Variants in SGCZ observed in about 807,000 individuals in gnomAD.
SGCZ encodes sarcoglycan zeta.
SGCZ carries 40 observed loss-of-function variants against 41.3 expected under a neutral mutation model. The observed-to-expected ratio is 0.97, with a 90% CI of 0.75 to 1.26. The LOEUF (loss-of-function observed/expected upper bound fraction) is 1.26, where lower values mean the gene tolerates loss of function less well. SGCZ is among the 50% of genes most tolerant of loss of function. SGCZ has a pLI of 0.00. For missense variants in SGCZ, 552 were observed against 369.8 expected, an observed-to-expected ratio of 1.49 and a Z score of -4.04; for synonymous variants, 206 against 137.5, an observed-to-expected ratio of 1.50 and a Z score of -3.49.
intron 1 of SGCZ, among the ~76,000 whole-genome samples, chr8:14,888,702 T>C (rs1024333662): frequency 6.6e-6 from 1 of 152,152 alleles, no homozygotes; most frequent in African/African-American, 2.4e-5. Flanking sequence ...CAAAAGAACA[T>C]TAAAATATCA....
intron 1 of SGCZ, among the ~76,000 whole-genome samples, chr8:15,003,856 T>A (rs139253091): frequency 6.6e-5 from 10 of 152,294 alleles, no homozygotes; most frequent in African/African-American, 2.4e-4. Context: ...AAAACAATTA[T>A]GAAAGTAATT....
At chr8:14,629,232 G>A (rs115781641) in intron 1 of SGCZ, among the ~76,000 whole-genome samples, 1 of 152,052 alleles carries the variant, frequency 6.6e-6, no homozygotes, top group East Asian at 1.9e-4. Context: ...GTAGAATGGA[G>A]TTACTAAAAG....
chr8:14,954,724 G>C (rs1800741854), intron 1 of SGCZ, among the ~76,000 whole-genome samples: 1 of 152,124 alleles, frequency 6.6e-6, no homozygotes, highest in Non-Finnish European at 1.5e-5. Context: ...AGACTGTTTG[G>C]ATTCTTAACT....
intron 1 of SGCZ, among the ~76,000 whole-genome samples, chr8:14,797,900 C>T (rs1030403346): frequency 5.3e-5 from 8 of 152,158 alleles, no homozygotes; most frequent in African/African-American, 2.4e-5. Context: ...GCAGTTTACA[C>T]GTGGTGTTGA....
At chr8:14,682,653 C>G (rs1189496812) in intron 1 of SGCZ, among the ~76,000 whole-genome samples, 1 of 152,118 alleles carries the variant, frequency 6.6e-6, no homozygotes, top group Non-Finnish European at 1.5e-5. Flanking sequence ...CCAGGATGGT[C>G]TCGATCTCCT....
At chr8:14,360,571 C>T (rs1803474793) in intron 2 of SGCZ, among the ~76,000 whole-genome samples, 1 of 152,088 alleles carries the variant, frequency 6.6e-6, no homozygotes, top group African/African-American at 2.4e-5. Flanking sequence ...GGTGATCTGC[C>T]TGCCTCGGCC....
At chr8:14,827,191 C>G (rs1368532284) in intron 1 of SGCZ, among the ~76,000 whole-genome samples, 2 of 149,864 alleles carry the variant, frequency 1.3e-5, no homozygotes, top group African/African-American at 4.9e-5. Context: ...TCCAATGTGC[C>G]AAGGATTGTT....
At chr8:14,364,113 A>G (rs938011161) in intron 2 of SGCZ, among the ~76,000 whole-genome samples, 1 of 152,148 alleles carries the variant, frequency 6.6e-6, no homozygotes, top group Non-Finnish European at 1.5e-5. Context: ...TATATAGTGT[A>G]GTTTATTTTG....
chr8:14,412,407 C>G (rs934978725), intron 2 of SGCZ, among the ~76,000 whole-genome samples: 3 of 152,070 alleles, frequency 2.0e-5, no homozygotes, highest in Admixed American at 2.0e-4. Flanking sequence ...GGTATGCGTA[C>G]ATTTGAATGT....
intron 2 of SGCZ, among the ~76,000 whole-genome samples, chr8:14,494,809 G>T (rs1038071182): frequency 1.3e-5 from 2 of 152,166 alleles, no homozygotes; most frequent in Non-Finnish European, 2.9e-5. Flanking sequence ...GCAGTAGCCT[G>T]CAGTGGCTGT....
chr8:14,756,028 A>G (rs1438471909), intron 1 of SGCZ, among the ~76,000 whole-genome samples: 1 of 152,158 alleles, frequency 6.6e-6, no homozygotes, highest in Non-Finnish European at 1.5e-5. Flanking sequence ...GAGTGAAAAA[A>G]CAAACTGTGC....
intron 1 of SGCZ, among the ~76,000 whole-genome samples, chr8:14,699,094 A>G (rs1235434153): frequency 1.3e-5 from 2 of 151,716 alleles, no homozygotes; most frequent in East Asian, 1.9e-4. Flanking sequence ...AAATAGAGCT[A>G]AGAAGATCCC....
intron 1 of SGCZ, among the ~76,000 whole-genome samples, chr8:14,756,531 G>T (rs1585234951): frequency 6.6e-6 from 1 of 152,204 alleles, no homozygotes; most frequent in South Asian, 2.1e-4. Context: ...ACAGTACTCT[G>T]CAGATGACTC....
At chr8:14,952,103 G>A (rs1871702) in intron 1 of SGCZ, among the ~76,000 whole-genome samples, 110,463 of 151,926 alleles carry the variant, frequency 0.73, 40,423 homozygotes, top group South Asian at 0.81. Context: ...AAAGGTAAGA[G>A]TGCTGGGGTC....
At chr8:14,192,291 G>C (rs1001171304) in intron 4 of SGCZ, among the ~76,000 whole-genome samples, 1 of 151,892 alleles carries the variant, frequency 6.6e-6, no homozygotes, top group African/African-American at 2.4e-5. Flanking sequence ...AAAGAATACT[G>C]CTGTATTTAA....
intron 1 of SGCZ, among the ~76,000 whole-genome samples, chr8:14,698,544 T>C (rs1809036726): frequency 6.6e-6 from 1 of 151,950 alleles, no homozygotes; most frequent in Non-Finnish European, 1.5e-5. Flanking sequence ...AAATTTAGCA[T>C]GAGACAAAAT....
rs534380980 is a variant in SGCZ, at chr8:15,068,637, C to A, written c.39+168948G>T. On this transcript the variant is annotated intron_variant, in intron 1 of 7. Transcript: ENST00000382080. ...ACTCAAACTTTCCTTACACATAACA[C>A]ATCCTTGCAAAGAATACTGGAAATC... 5.3e-5 allele frequency among the ~76,000 whole-genome samples: 8 copies of A among 152,312 alleles called. No homozygotes were observed. In the South Asian group the frequency reaches 1.7e-3, roughly 32 times the overall value.
intron 2 of SGCZ, among the ~76,000 whole-genome samples, chr8:14,334,870 T>C (rs1802457917): frequency 6.6e-6 from 1 of 152,146 alleles, no homozygotes; most frequent in Admixed American, 6.6e-5. Context: ...AATACATTCA[T>C]TATACAGAAG....
rs118066204 is a variant in SGCZ, at chr8:15,122,903, C to T, written c.39+114682G>A. ...TGACATACTGCTCTTAATGTTACACCATAGAAAAGATTCTTCTTATTATTA... is the reference window on the plus strand; with the variant it reads ...TGACATACTGCTCTTAATGTTACACTATAGAAAAGATTCTTCTTATTATTA... On this transcript the variant is annotated intron_variant, in intron 1 of 7. Transcript: ENST00000382080. Among the ~76,000 whole-genome samples, 1,063 of 152,240 alleles carry T rather than the reference C, an allele frequency of 7.0e-3. 9 individuals are homozygous for T. Among genetic ancestry groups the T allele is most frequent in the East Asian group, 0.015 (79 of 5,180 alleles).
Sources: allele counts gnomAD v4.1 joint callset (sites outside exome capture counted in the v4.1 genomes callset), GRCh38; gene constraint gnomAD v4.1.1; transcripts MANE v1.5; gene names NCBI Gene and HGNC (gene_info 2026-07-23, HGNC 2026-07-21).